Variants in PNPT1 observed in about 807,000 individuals in gnomAD.
The protein encoded by PNPT1 is polyribonucleotide nucleotidyltransferase 1.
A neutral mutation model predicts 119.5 loss-of-function variants in PNPT1; 53 were observed. That is an observed-to-expected ratio of 0.44 (90% confidence interval 0.36 to 0.56). The LOEUF (loss-of-function observed/expected upper bound fraction) is 0.56, where lower values mean the gene tolerates loss of function less well. Among genes scored for constraint, PNPT1 ranks in the 20% least tolerant of loss-of-function variants. The probability of loss-of-function intolerance (pLI) is 0.00; values close to 1 mark genes in which losing one functional copy is unlikely to be tolerated. For missense variants in PNPT1, 948 were observed against 938.5 expected (o/e 1.01, Z -0.13); for synonymous variants, 357 against 322.1 (o/e 1.11, Z -1.16).
chr2:55,654,265 A>AG (rs1696311962), intron 18 of PNPT1, among the ~76,000 whole-genome samples: 1 of 151,842 alleles, frequency 6.6e-6, no homozygotes, highest in South Asian at 2.1e-4. Flanking sequence ...TCAAAAAAAA[A>AG]AAAAAAAAAA....
At chr2:55,660,542 A>G (rs1187756611) in intron 14 of PNPT1, among the ~76,000 whole-genome samples, 3 of 152,216 alleles carry the variant, frequency 2.0e-5, no homozygotes, top group South Asian at 2.1e-4. Context: ...CAGAGCTACA[A>G]TGCTTCTCCC....
In PNPT1 at chr2:55,671,392, G is replaced by C; in HGVS notation, c.919-16C>G. ...CTCTGGAAACCTAAAAGAAAGTTGA[G>C]GTTCAGTTATTACATATACATGACA... On this transcript the variant is annotated splice_polypyrimidine_tract_variant and intron_variant, in intron 10 of 27. Transcript: ENST00000447944. The C allele has an allele frequency of 6.7e-7, 1 of 1,489,800 alleles. No homozygotes were observed. The allele number at this position is 1,489,800 out of a possible 1,614,324, so 92.3% of individuals were successfully genotyped here. A position where few individuals can be genotyped will look rare whatever the true frequency, so the allele number is the denominator to read the frequency against.
chr2:55,663,026 A>C (rs1198069949), intron 13 of PNPT1, among the ~76,000 whole-genome samples: 1 of 152,080 alleles, frequency 6.6e-6, no homozygotes, highest in Non-Finnish European at 1.5e-5. Context: ...CTGGGACTAC[A>C]GGTGCGTGCC....
intron 4 of PNPT1, among the ~76,000 whole-genome samples, chr2:55,684,585 G>C (rs1265334156): frequency 6.6e-6 from 1 of 152,212 alleles, no homozygotes; most frequent in Non-Finnish European, 1.5e-5. Flanking sequence ...TAATGTTTAG[G>C]AATTACTATT....
intron 18 of PNPT1, among the ~76,000 whole-genome samples, chr2:55,651,732 C>T (rs1696210709): frequency 6.8e-6 from 1 of 147,724 alleles, no homozygotes. Flanking sequence ...TGTGACCCTG[C>T]CAAATCCCCC....
At chr2:55,676,136 T>C (rs1243148475) in intron 8 of PNPT1, among the ~76,000 whole-genome samples, 2 of 151,778 alleles carry the variant, frequency 1.3e-5, no homozygotes, top group Non-Finnish European at 2.9e-5. Context: ...GGTGCACGCC[T>C]GTAGTCCCAG....
intron 3 of PNPT1, among the ~76,000 whole-genome samples, chr2:55,685,801 T>C (rs1345909321): frequency 2.0e-5 from 3 of 152,236 alleles, no homozygotes; most frequent in African/African-American, 7.2e-5. Context: ...AAATCCTTGA[T>C]GTAAAACACC....
chr2:55,676,146 G>A (rs1382557429), intron 8 of PNPT1, among the ~76,000 whole-genome samples: 2 of 151,036 alleles, frequency 1.3e-5, no homozygotes, highest in African/African-American at 2.4e-5. Flanking sequence ...TGTAGTCCCA[G>A]CTACTTGGGA....
intron 1 of PNPT1, among the ~76,000 whole-genome samples, chr2:55,690,404 T>C (rs549368643): frequency 3.3e-5 from 5 of 152,194 alleles, no homozygotes; most frequent in Admixed American, 3.3e-4. Flanking sequence ...CATTCTATCA[T>C]AGTCTGGTGC....
chr2:55,688,382 G>C (rs1697486503), intron 1 of PNPT1, among the ~76,000 whole-genome samples: 1 of 151,914 alleles, frequency 6.6e-6, no homozygotes, highest in Non-Finnish European at 1.5e-5. Flanking sequence ...CTCTCACCTT[G>C]TTGACTACAG....
At chr2:55,674,894 A>G (rs553326237) in intron 8 of PNPT1, among the ~76,000 whole-genome samples, 3 of 152,360 alleles carry the variant, frequency 2.0e-5, no homozygotes, top group Admixed American at 1.3e-4. Context: ...TCTCACTTTG[A>G]CAGGATTAAT....
At chr2:55,660,328 C>A in intron 14 of PNPT1, 135 bp from the exon 15 acceptor site, 1 of 863,250 alleles carries the variant, frequency 1.2e-6, no homozygotes, top group Non-Finnish European at 1.7e-6. Flanking sequence ...AAACTGAAAA[C>A]CAAAGAATTA....
At chr2:55,649,108 A>T (rs148136667) in intron 18 of PNPT1, among the ~76,000 whole-genome samples, 29 of 152,276 alleles carry the variant, frequency 1.9e-4, no homozygotes, top group African/African-American at 5.5e-4. Flanking sequence ...CCTGTCAGAC[A>T]TCTCCAGCTA....
chr2:55,684,060 G>C (rs1384391750), intron 4 of PNPT1, among the ~76,000 whole-genome samples: 1 of 152,110 alleles, frequency 6.6e-6, no homozygotes, highest in Non-Finnish European at 1.5e-5. Context: ...TAAAGATTGG[G>C]GAGCAATTTT....
chr2:55,657,396 C>CAT (rs1553496854), intron 15 of PNPT1, among the ~76,000 whole-genome samples: 1 of 147,846 alleles, frequency 6.8e-6, no homozygotes, highest in African/African-American at 2.5e-5. Flanking sequence ...TTTGTTTTTT[C>CAT]TTTTTTTTTA....
chr2:55,683,979 T>C lies in PNPT1; in HGVS notation c.404-145A>G, dbSNP rs563161881. ...ATTTACTAAGAGGGACACAGATAAA[T>C]GTCAGTGCTTCCATTATTACATACC... is the stretch of plus-strand genomic sequence containing the variant. On this transcript the variant is annotated intron_variant, in intron 4 of 27. Coordinates refer to ENST00000447944, the MANE Select transcript of PNPT1 (RefSeq NM_033109.5). 3.8e-5 allele frequency: 26 copies of C among 684,610 alleles called. No individual in the cohort carries two copies. The African/African-American group carries it at 3.9e-4, about 10-fold the overall frequency. The allele number at this position is 684,610 out of a possible 1,614,324, so 42.4% of individuals were successfully genotyped here.
intron 5 of PNPT1, 88 bp downstream of exon 5, chr2:55,683,697 T>C: frequency 8.1e-7 from 1 of 1,234,814 alleles, no homozygotes; most frequent in Non-Finnish European, 1.1e-6. Context: ...TTATGTTCTT[T>C]ATAATGTTTA....
At chr2:55,669,939 G>A (rs767093468) in intron 11 of PNPT1, among the ~76,000 whole-genome samples, 55 of 151,106 alleles carry the variant, frequency 3.6e-4, no homozygotes, top group Middle Eastern at 3.4e-3. Context: ...TTGTATTTTT[G>A]GTAGAGATGG....
intron 17 of PNPT1, among the ~76,000 whole-genome samples, chr2:55,655,535 C>G (rs1328943699): frequency 6.6e-6 from 1 of 152,174 alleles, no homozygotes; most frequent in Non-Finnish European, 1.5e-5. Context: ...TTGGCTCTCT[C>G]ATTCTCATAA....
Sources: gnomAD v4.1 joint callset for allele counts (sites outside exome capture counted in the v4.1 genomes callset) on GRCh38, gnomAD v4.1.1 for gene constraint, MANE v1.5 for transcripts, NCBI Gene and HGNC (gene_info 2026-07-23, HGNC 2026-07-21) for gene names.